The following TEKT5 variants were observed in gnomAD, a reference collection of about 807,000 sequenced individuals.
TEKT5 encodes tektin-5.
Under a neutral mutation model 48.7 loss-of-function variants are expected in TEKT5, and 52 were observed. That is an observed-to-expected ratio of 1.07 (90% CI 0.86 to 1.35). The LOEUF is 1.35. Ranked by LOEUF, TEKT5 falls within the 40% of genes most tolerant of loss-of-function variation. The probability of loss-of-function intolerance (pLI) is 0.00; values close to 1 mark genes in which losing one functional copy is unlikely to be tolerated. For missense variants in TEKT5, 831 were observed against 641.6 expected (o/e 1.30, Z -3.19); for synonymous variants, 318 against 267.6 (o/e 1.19, Z -1.84).
At chr16:10,648,012 G>A (rs1452254342) in intron 5 of TEKT5, among the ~76,000 whole-genome samples, 1 of 152,200 alleles carries the variant, frequency 6.6e-6, no homozygotes, top group African/African-American at 2.4e-5. Context: ...CTACAAGTGA[G>A]ACAAATGGTC....
At position 10,694,811 on chromosome 16, in the gene TEKT5, C is replaced by G. The variant is rs761523974; in HGVS notation, c.63G>C (p.Leu21Phe). The change falls in exon 1 of 7, where the codon TTG becomes TTC. Residue 21 changes from leucine (L) to phenylalanine (F), a missense_variant. Coordinates refer to ENST00000283025, the MANE Select transcript of TEKT5 (RefSeq NM_144674.2). ...GCGCCTGTACAGCTGGCAGTGAGGT[C>G]AAGCCACAGCATTTCTTGGGACCAC... is the stretch of plus-strand genomic sequence containing the variant. ...SYCGPKKCCGLTSLPAVQAPV... is the reference protein window; with the variant it reads ...SYCGPKKCCGFTSLPAVQAPV... 5.6e-6 allele frequency: 9 copies of G among 1,606,762 alleles called. No individual in the cohort carries two copies. In the South Asian group the frequency reaches 8.9e-5, roughly 16 times the overall value.
chr16:10,654,246 T>G (rs1009882007), intron 5 of TEKT5, among the ~76,000 whole-genome samples: 2 of 152,172 alleles, frequency 1.3e-5, no homozygotes, highest in African/African-American at 4.8e-5. Flanking sequence ...AGATGAGGTT[T>G]TCCCGCGTTG....
At chr16:10,666,761 G>A (rs1012701173) in intron 5 of TEKT5, among the ~76,000 whole-genome samples, 6 of 152,158 alleles carry the variant, frequency 3.9e-5, no homozygotes, top group African/African-American at 1.4e-4. Context: ...ACTGTGTCTC[G>A]TCAAAAGTGC....
chr16:10,642,160 G>C (rs1467513311), intron 5 of TEKT5, among the ~76,000 whole-genome samples: 1 of 152,176 alleles, frequency 6.6e-6, no homozygotes, highest in Non-Finnish European at 1.5e-5. Context: ...CTAGAGCTTT[G>C]ATATCTGAGG....
chr16:10,676,434 C>T (rs115557345), intron 4 of TEKT5, among the ~76,000 whole-genome samples: 133 of 152,238 alleles, frequency 8.7e-4, no homozygotes, highest in African/African-American at 2.9e-3. Context: ...AGGGTGCAGT[C>T]GCCCCTTGTT....
chr16:10,667,976 C>T (rs1212599221), intron 5 of TEKT5, among the ~76,000 whole-genome samples: 4 of 151,802 alleles, frequency 2.6e-5, no homozygotes, highest in African/African-American at 9.7e-5. Context: ...CTCCCAGGTT[C>T]AAGTCATTCT....
intron 5 of TEKT5, among the ~76,000 whole-genome samples, chr16:10,651,684 G>T (rs994651322): frequency 8.5e-5 from 13 of 152,210 alleles, no homozygotes; most frequent in Non-Finnish European, 1.8e-4. Flanking sequence ...ACACAGCCGG[G>T]TGTGGTGGCT....
intron 5 of TEKT5, 144 bp from the exon 6 acceptor site, chr16:10,636,062 C>G (rs755040425): frequency 5.3e-5 from 68 of 1,291,284 alleles, no homozygotes; most frequent in Non-Finnish European, 6.7e-5. Flanking sequence ...ACCTTTAGGG[C>G]AGGAAGCTCA....
intron 5 of TEKT5, among the ~76,000 whole-genome samples, chr16:10,636,185 GC>G (rs1298006715): frequency 3.3e-5 from 5 of 152,134 alleles, no homozygotes; most frequent in Non-Finnish European, 5.9e-5. Flanking sequence ...GATCAGCCTG[GC>G]CAACGTGGTG....
intron 5 of TEKT5, among the ~76,000 whole-genome samples, chr16:10,646,048 T>C (rs1898064492): frequency 1.3e-5 from 2 of 151,854 alleles, no homozygotes; most frequent in East Asian, 3.9e-4. Context: ...AAGGATTGCT[T>C]GAGCCCAGAA....
intron 3 of TEKT5, among the ~76,000 whole-genome samples, chr16:10,684,659 T>C (rs1312387698): frequency 6.6e-6 from 1 of 151,974 alleles, no homozygotes; most frequent in Non-Finnish European, 1.5e-5. Flanking sequence ...TGTTAGAGAA[T>C]TAGAGGGAAA....
chr16:10,663,585 C>T (rs924197369), intron 5 of TEKT5, among the ~76,000 whole-genome samples: 2 of 152,098 alleles, frequency 1.3e-5, no homozygotes, highest in African/African-American at 2.4e-5. Context: ...AGGAGCGCTC[C>T]GGAGGGACCC....
In TEKT5 at chr16:10,689,928, A is replaced by G; in HGVS notation, c.648+14T>C. The G allele has an allele frequency of 6.2e-7, 1 of 1,613,840 alleles. No individual in the cohort carries two copies. Among genetic ancestry groups the G allele is most frequent in the Non-Finnish European group, 8.5e-7 (1 of 1,179,870 alleles). ...CTCCTTCAGGGGGCTGGGCAGAACC[A>G]GGAGATGCCTTACCCGGATAAGGTT... On this transcript the variant is annotated intron_variant, in intron 2 of 6. Transcript: ENST00000283025.
At chr16:10,664,380 G>A (rs1898424901) in intron 5 of TEKT5, among the ~76,000 whole-genome samples, 1 of 152,240 alleles carries the variant, frequency 6.6e-6, no homozygotes, top group African/African-American at 2.4e-5. Context: ...CCCACTGGCA[G>A]ACTTTCTGAT....
intron 5 of TEKT5, among the ~76,000 whole-genome samples, chr16:10,660,199 T>C (rs1596409383): frequency 6.6e-6 from 1 of 152,186 alleles, no homozygotes; most frequent in East Asian, 1.9e-4. Flanking sequence ...CTCAACCCAC[T>C]TATTCCAGTG....
chr16:10,661,293 C>T (rs1184976225), intron 5 of TEKT5, among the ~76,000 whole-genome samples: 1 of 152,160 alleles, frequency 6.6e-6, no homozygotes, highest in African/African-American at 2.4e-5. Flanking sequence ...GTCTGCTGCT[C>T]CTCTGGGGTT....
In TEKT5 at chr16:10,689,963, G is replaced by T; in HGVS notation, c.627C>A (p.Asn209Lys). Reference sequence around the variant, plus strand: ...TTACCCGGATAAGGTTTTTCTCCACGTTGTCATGGACCAAATCAATCCCAA... The same window carrying T: ...TTACCCGGATAAGGTTTTTCTCCACTTTGTCATGGACCAAATCAATCCCAA... The part of the protein sequence containing the change: ...KRIGIDLVHD[N>K]VEKNLIREVD... The change falls in exon 2 of 7, where the codon AAC becomes AAA. Residue 209 changes from asparagine to lysine, a missense_variant. Transcript: ENST00000283025. The T allele has an allele frequency of 6.2e-7, 1 of 1,614,020 alleles. No individual in the cohort carries two copies. The highest frequency in any genetic ancestry group is 8.5e-7 in the Non-Finnish European group (1 of 1,180,016).
intron 1 of TEKT5, chr16:10,691,223 G>C (rs905059793): frequency 2.0e-5 from 3 of 152,302 alleles, no homozygotes; most frequent in Non-Finnish European, 2.9e-5. Flanking sequence ...CAGCTCCTCA[G>C]GAGGCTGAGG....
At chr16:10,687,074 G>C (rs1428500216) in intron 3 of TEKT5, among the ~76,000 whole-genome samples, 1 of 152,184 alleles carries the variant, frequency 6.6e-6, no homozygotes, top group Non-Finnish European at 1.5e-5. Flanking sequence ...GTTGTTACCA[G>C]AGGCTGGGGG....
Sources: gnomAD v4.1 joint callset for allele counts (sites outside exome capture counted in the v4.1 genomes callset) on GRCh38, gnomAD v4.1.1 for gene constraint, MANE v1.5 for transcripts, NCBI Gene and HGNC (gene_info 2026-07-23, HGNC 2026-07-21) for gene names.